THAP6: variants seen among roughly 807,000 people sequenced by gnomAD.
THAP6 encodes the protein THAP domain containing 6.
In THAP6, 13 loss-of-function variants were observed where a neutral mutation model predicts 20.0. That is an observed-to-expected ratio of 0.65 (90% confidence interval 0.42 to 1.03). The LOEUF (loss-of-function observed/expected upper bound fraction) is 1.03. Ranked by LOEUF, THAP6 falls within the 50% of genes least tolerant of loss-of-function variation. THAP6 has a pLI of 0.00. For synonymous variants in THAP6, 93 were observed against 92.2 expected (o/e 1.01, Z -0.05); for missense variants, 262 against 261.6 (o/e 1.00, Z -0.01).
chr4:75,530,122 A>C (rs775545359), downstream of THAP6: 253 of 970,796 alleles, frequency 2.6e-4, no homozygotes, highest in Non-Finnish European at 3.0e-4. Flanking sequence ...TTTCTCCTCC[A>C]CCAATAACTC....
intron 4 of THAP6, among the ~76,000 whole-genome samples, chr4:75,525,108 G>A (rs1387684832): frequency 1.3e-5 from 2 of 151,846 alleles, no homozygotes; most frequent in Admixed American, 6.6e-5. Flanking sequence ...GATATGCCTT[G>A]GTTTCATTTT....
intron 2 of THAP6, among the ~76,000 whole-genome samples, chr4:75,540,333 T>G (rs1726969662): frequency 6.6e-6 from 1 of 152,220 alleles, no homozygotes; most frequent in Non-Finnish European, 1.5e-5. Flanking sequence ...TTGATTTACA[T>G]TCTGGAACAA....
intron 2 of THAP6, among the ~76,000 whole-genome samples, chr4:75,541,447 C>CGT (rs138759889): frequency 0.21 from 31,230 of 150,302 alleles, 3,272 homozygotes; most frequent in Middle Eastern, 0.36. Context: ...TAAGTGTGTA[C>CGT]GTGTGTGTGT....
At chr4:75,519,774 T>G (rs1354224595) in intron 3 of THAP6, among the ~76,000 whole-genome samples, 3 of 151,846 alleles carry the variant, frequency 2.0e-5, no homozygotes, top group African/African-American at 7.3e-5. Context: ...TTGTGAATAA[T>G]GCCGCAATAA....
chr4:75,537,555 C>T lies in THAP6; in HGVS notation c.166-4854C>T, dbSNP rs980816358. 1.4e-4 allele frequency among the ~76,000 whole-genome samples: 22 copies of T among 152,202 alleles called. No homozygotes were observed. The East Asian group carries it at 2.7e-3, about 19-fold the overall frequency. On this transcript the variant is annotated intron_variant, in intron 2 of 4. Transcript: ENST00000502620. The stretch of plus-strand genomic sequence containing the variant: ...TCTGCCATGATTGTGAGGCCTCCCC[C>T]GCCACGTGGAACTGTGAGTCCAATT...
At chr4:75,515,201 G>C (rs1490024958) in intron 1 of THAP6, among the ~76,000 whole-genome samples, 3 of 152,136 alleles carry the variant, frequency 2.0e-5, no homozygotes, top group Non-Finnish European at 4.4e-5. Flanking sequence ...GAAGGAAAAT[G>C]TACAAGCCAA....
intron 2 of THAP6, chr4:75,539,725 C>A: frequency 1.5e-6 from 2 of 1,332,570 alleles, no homozygotes; most frequent in Non-Finnish European, 2.0e-6. Flanking sequence ...CTTCTCTGAG[C>A]ACTTACAAAG....
At chr4:75,522,188 C>T in intron 4 of THAP6, 1 of 308,076 alleles carries the variant, frequency 3.2e-6, no homozygotes, top group African/African-American at 2.1e-5. Flanking sequence ...CAGTCATACA[C>T]ATACAGAGTA....
At chr4:75,523,093 A>G (rs929901826) in intron 4 of THAP6, among the ~76,000 whole-genome samples, 6 of 152,088 alleles carry the variant, frequency 3.9e-5, no homozygotes, top group Admixed American at 1.3e-4. Flanking sequence ...TTTTCTCCAC[A>G]TCCTTGCCAG....
chr4:75,537,982 T>G (rs1010111573), intron 2 of THAP6, among the ~76,000 whole-genome samples: 1 of 152,204 alleles, frequency 6.6e-6, no homozygotes, highest in Non-Finnish European at 1.5e-5. Context: ...TTTACTCCAC[T>G]AAGTTTGTGG....
At chr4:75,532,699 G>T (rs1726720800), downstream of THAP6, among the ~76,000 whole-genome samples, 1 of 152,228 alleles carries the variant, frequency 6.6e-6, no homozygotes, top group Non-Finnish European at 1.5e-5. Flanking sequence ...CCAAACCTCA[G>T]TTCTTGACTT....
At chr4:75,537,462 G>T (rs1424411798) in intron 2 of THAP6, among the ~76,000 whole-genome samples, 1 of 151,842 alleles carries the variant, frequency 6.6e-6, no homozygotes, top group African/African-American at 2.4e-5. Context: ...AACCCATTTT[G>T]CTTGGCTCTC....
rs1726617575 is a variant in THAP6, at chr4:75,529,867, A to G, written c.*2653A>G. On this transcript the variant is annotated 3_prime_UTR_variant, in exon 5 of 5. Coordinates refer to ENST00000311638, the MANE Select transcript of THAP6 (RefSeq NM_144721.6). ...TTCTGGAAATAGACTTTGGTTGCTA[A>G]TGACAATTACAGTTATACCATAGTC... 6.1e-6 allele frequency: 6 copies of G among 984,316 alleles called. No individual in the cohort carries two copies. Among genetic ancestry groups the G allele is most frequent in the Non-Finnish European group, 7.2e-6 (6 of 828,894 alleles). 61.0% of individuals were successfully genotyped at this position (984,316 alleles called of 1,614,324 possible).
downstream of THAP6, among the ~76,000 whole-genome samples, chr4:75,531,858 G>T (rs11727806): frequency 2.7e-5 from 4 of 149,324 alleles, no homozygotes; most frequent in Non-Finnish European, 5.9e-5. Context: ...GGAAAGACCC[G>T]CCCTCATGAT....
At chr4:75,524,183 T>C (rs764473500) in intron 4 of THAP6, among the ~76,000 whole-genome samples, 24 of 152,220 alleles carry the variant, frequency 1.6e-4, no homozygotes, top group Non-Finnish European at 2.9e-4. Flanking sequence ...AAAGTGGTAT[T>C]ACTCCCCTTT....
In THAP6 at chr4:75,515,420, A is replaced by G. The variant is rs574686296; in HGVS notation, c.-20-13A>G. On this transcript the variant is annotated splice_polypyrimidine_tract_variant and intron_variant, in intron 1 of 4. Coordinates refer to ENST00000311638, the MANE Select transcript of THAP6 (RefSeq NM_144721.6). ...TCCGGTTACTAACTCTTAACATTCTAATTTTCTTTCAGTTTTGTTATGAGT... is the reference window on the plus strand; with the variant it reads ...TCCGGTTACTAACTCTTAACATTCTGATTTTCTTTCAGTTTTGTTATGAGT... The G allele has an allele frequency of 2.5e-6, 4 of 1,606,304 alleles. No homozygotes were observed. The highest frequency in any genetic ancestry group is 2.2e-5 in the East Asian group (1 of 44,738).
chr4:75,521,756 T>C lies in THAP6; in HGVS notation c.309T>C (p.His103=), dbSNP rs1347525758. The change falls in exon 4 of 5, where the codon CAT becomes CAC. Residue 103 remains histidine (H), a synonymous_variant. Coordinates refer to ENST00000311638, the MANE Select transcript of THAP6 (RefSeq NM_144721.6). ...AACAGGGGAAAAGAGAAAAACTTCA[T>C]TGTAGAAAAAACTTCACCCTCAAAA... ...YHLQGKREKL[H]CRKNFTLKTV... 2.3e-5 allele frequency: 37 copies of C among 1,611,772 alleles called. No homozygotes were observed. The highest frequency in any genetic ancestry group is 2.9e-5 in the Non-Finnish European group (34 of 1,178,812).
chr4:75,532,566 C>T (rs1195056776), downstream of THAP6, among the ~76,000 whole-genome samples: 1 of 152,226 alleles, frequency 6.6e-6, no homozygotes, highest in Non-Finnish European at 1.5e-5. Flanking sequence ...GTGGGGGTTC[C>T]AACTCCACAT....
chr4:75,534,015 G>GT (rs1418384257), downstream of THAP6, among the ~76,000 whole-genome samples: 1 of 151,812 alleles, frequency 6.6e-6, no homozygotes, highest in African/African-American at 2.4e-5. Flanking sequence ...GCAGTGTTTG[G>GT]TTTTTTGTCC....
Sources: allele counts gnomAD v4.1 joint callset (sites outside exome capture counted in the v4.1 genomes callset), GRCh38; gene constraint gnomAD v4.1.1; transcripts MANE v1.5; gene names NCBI Gene and HGNC (gene_info 2026-07-23, HGNC 2026-07-21).